DEUP1: variants seen among roughly 807,000 people sequenced by gnomAD.
DEUP1 encodes deuterosome assembly protein 1, also known as coiled-coil domain containing 67.
DEUP1 carries 82 observed loss-of-function variants against 87.4 expected under a neutral mutation model. That is an observed-to-expected ratio of 0.94 (90% CI 0.78 to 1.13). The LOEUF (loss-of-function observed/expected upper bound fraction) is 1.13, where lower values mean the gene tolerates loss of function less well. Ranked by LOEUF, DEUP1 falls within the 50% of genes most tolerant of loss-of-function variation. DEUP1 has a pLI of 0.00. For missense variants in DEUP1, 663 were observed against 681.5 expected, an observed-to-expected ratio of 0.97 and a Z score of 0.30; for synonymous variants, 214 against 222.7, an observed-to-expected ratio of 0.96 and a Z score of 0.35.
intron 11 of DEUP1, among the ~76,000 whole-genome samples, chr11:93,396,798 C>G (rs535008484): frequency 6.6e-6 from 1 of 152,208 alleles, no homozygotes; most frequent in East Asian, 1.9e-4. Context: ...TTCACCAGTA[C>G]CTCACATCTC....
chr11:93,376,185 C>A (rs2134288575), intron 7 of DEUP1, among the ~76,000 whole-genome samples: 1 of 152,252 alleles, frequency 6.6e-6, no homozygotes, highest in Non-Finnish European at 1.5e-5. Flanking sequence ...CTCAAATGAT[C>A]TGCCCGCCTT....
chr11:93,370,236 G>T, intron 6 of DEUP1, 50 bp downstream of exon 6: 3 of 974,500 alleles, frequency 3.1e-6, no homozygotes, highest in South Asian at 3.0e-5. Flanking sequence ...GTTAAATATT[G>T]GTATCTTTAC....
intron 4 of DEUP1, among the ~76,000 whole-genome samples, chr11:93,361,528 T>G (rs1410917789): frequency 6.6e-6 from 1 of 152,044 alleles, no homozygotes; most frequent in African/African-American, 2.4e-5. Context: ...ATAAGGAAAG[T>G]AAGATTTCTA....
chr11:93,370,008 C>G (rs1044765793), intron 5 of DEUP1, 65 bp from the exon 6 acceptor site: 1 of 764,436 alleles, frequency 1.3e-6, no homozygotes, highest in South Asian at 1.7e-5. Flanking sequence ...TGAAAGAAGC[C>G]TTATTTGCTG....
chr11:93,428,560 C>T lies in DEUP1; in HGVS notation c.1639-8983C>T, dbSNP rs559378209. On this transcript the variant is annotated intron_variant, in intron 13 of 13. Transcript: ENST00000298050. ...TGTATACATATGTAACAAACCTGCACATTGTGCACATGTACCCTAAAACTT... is the reference window on the plus strand; with the variant it reads ...TGTATACATATGTAACAAACCTGCATATTGTGCACATGTACCCTAAAACTT... Among the ~76,000 whole-genome samples the T allele has an allele frequency of 7.7e-3, 1,169 of 152,014 alleles. 12 individuals are homozygous for T. Among genetic ancestry groups the T allele is most frequent in the African/African-American group, 0.027 (1,121 of 41,452 alleles).
At chr11:93,402,283 C>T (rs1424569922) in intron 11 of DEUP1, among the ~76,000 whole-genome samples, 4 of 151,698 alleles carry the variant, frequency 2.6e-5, no homozygotes, top group East Asian at 1.9e-4. Flanking sequence ...ATCAGAGAAA[C>T]GCAAATCAAA....
chr11:93,380,138 C>T (rs937203339), intron 7 of DEUP1, among the ~76,000 whole-genome samples: 3 of 152,192 alleles, frequency 2.0e-5, no homozygotes, highest in Admixed American at 2.0e-4. Context: ...AAACACCCTA[C>T]AGTGCACAAG....
At chr11:93,356,575 A>T (rs963126693) in intron 3 of DEUP1, among the ~76,000 whole-genome samples, 2 of 152,198 alleles carry the variant, frequency 1.3e-5, no homozygotes, top group Non-Finnish European at 2.9e-5. Context: ...CCACTAAAAC[A>T]GAGATCCTCT....
chr11:93,344,984 T>A (rs1413900199), intron 2 of DEUP1, among the ~76,000 whole-genome samples: 1 of 152,126 alleles, frequency 6.6e-6, no homozygotes, highest in Non-Finnish European at 1.5e-5. Context: ...CCATTAGTTA[T>A]TTTTCCTGAG....
chr11:93,408,921 A>G (rs984974704), intron 12 of DEUP1, among the ~76,000 whole-genome samples: 5 of 150,732 alleles, frequency 3.3e-5, no homozygotes, highest in Non-Finnish European at 7.4e-5. Flanking sequence ...CAGTGGTGTG[A>G]TCTCGGCTCA....
intron 2 of DEUP1, among the ~76,000 whole-genome samples, chr11:93,332,760 A>G (rs1158437758): frequency 2.6e-5 from 4 of 152,238 alleles, no homozygotes; most frequent in African/African-American, 7.2e-5. Flanking sequence ...ACGAAGAGAT[A>G]AGAATAAAAT....
chr11:93,376,387 A>G (rs3019205), intron 7 of DEUP1, among the ~76,000 whole-genome samples: 122,595 of 152,164 alleles, frequency 0.81, 49,502 homozygotes, highest in East Asian at 0.89. Flanking sequence ...ATCTTTTCTA[A>G]GTTTTCTACT....
At chr11:93,430,080 T>C (rs1948056814) in intron 13 of DEUP1, among the ~76,000 whole-genome samples, 1 of 152,172 alleles carries the variant, frequency 6.6e-6, no homozygotes, top group South Asian at 2.1e-4. Flanking sequence ...CTTAATCTTG[T>C]TGTCTTGATA....
rs1265481316 is a variant in DEUP1 at position 93,435,991 on chromosome 11, G to A, written c.1639-1552G>A. Among the ~76,000 whole-genome samples the A allele has an allele frequency of 5.3e-5, 5 of 94,822 alleles. No individual in the cohort carries two copies. In the East Asian group the frequency reaches 1.1e-3, roughly 22 times the overall value. 62.2% of individuals were successfully genotyped at this position (94,822 alleles called of 152,430 possible). ...AGTGTGGGCGACAGAGTGAGACTCC[G>A]TCTCAAAAAAAAAAAAAAAAAATTT... On this transcript the variant is annotated intron_variant, in intron 13 of 13. Coordinates refer to ENST00000298050, the MANE Select transcript of DEUP1 (RefSeq NM_181645.4).
rs780591189 is a variant in DEUP1, at chr11:93,437,618, G to T, written c.1714G>T (p.Glu572Ter). Residue 572 changes from glutamate (E) to a stop codon, truncating the protein, a stop_gained, in exon 14 of 14, where the codon GAA (glutamate) becomes TAA (stop). Coordinates refer to ENST00000298050, the MANE Select transcript of DEUP1 (RefSeq NM_181645.4). LOFTEE classifies it high-confidence loss of function. ...FLLEEEKRAK[E>*]LEKLLNTHID... ...TCTGGAAGAAGAGAAACGAGCAAAAGAACTTGAAAAACTTCTAAATACACA... is the reference window on the plus strand; with the variant it reads ...TCTGGAAGAAGAGAAACGAGCAAAATAACTTGAAAAACTTCTAAATACACA... The T allele has an allele frequency of 1.9e-6, 3 of 1,613,062 alleles. No individual in the cohort carries two copies. The highest frequency in any genetic ancestry group is 2.5e-6 in the Non-Finnish European group (3 of 1,179,250).
intron 5 of DEUP1, among the ~76,000 whole-genome samples, chr11:93,366,956 T>C (rs1945448584): frequency 6.6e-6 from 1 of 152,198 alleles, no homozygotes; most frequent in Admixed American, 6.5e-5. Flanking sequence ...ATTTGAAATG[T>C]TAGCTATTTT....
At chr11:93,357,662 T>C (rs1944961830) in intron 4 of DEUP1, among the ~76,000 whole-genome samples, 1 of 152,196 alleles carries the variant, frequency 6.6e-6, no homozygotes, top group South Asian at 2.1e-4. Context: ...GCTATATCTT[T>C]GCTTAACTTA....
In DEUP1 at chr11:93,389,118, T is replaced by C. The variant is rs1946685824; in HGVS notation, c.1034T>C (p.Leu345Ser). The change falls in exon 9 of 14, where the codon TTG (leucine) becomes TCG (serine). Residue 345 changes from leucine (L) to serine (S), a missense_variant. Coordinates refer to ENST00000298050, the MANE Select transcript of DEUP1 (RefSeq NM_181645.4). ...GATCAACCAAATCATGAAAAAGAATTGAACAAGGTATGAAAAATAATGAGC... is the reference window on the plus strand; with the variant it reads ...GATCAACCAAATCATGAAAAAGAATCGAACAAGGTATGAAAAATAATGAGC... ...MQDQPNHEKE[L>S]NKIRSQLQQV... 4 of 1,571,318 alleles carry C rather than the reference T, an allele frequency of 2.5e-6. No individual in the cohort carries two copies. The highest frequency in any genetic ancestry group is 2.6e-6 in the Non-Finnish European group (3 of 1,150,560).
intron 7 of DEUP1, among the ~76,000 whole-genome samples, chr11:93,378,823 T>G (rs1309414334): frequency 1.3e-5 from 2 of 152,166 alleles, no homozygotes; most frequent in East Asian, 3.9e-4. Flanking sequence ...TTGGCCCTCC[T>G]GGCATGTTCC....
Sources: allele counts gnomAD v4.1 joint callset (sites outside exome capture counted in the v4.1 genomes callset), GRCh38; gene constraint gnomAD v4.1.1; transcripts MANE v1.5; gene names NCBI Gene and HGNC (gene_info 2026-07-23, HGNC 2026-07-21).